CLVS1: variants seen among roughly 807,000 people sequenced by gnomAD.
CLVS1 encodes clavesin-1.
Under a neutral mutation model 33.1 loss-of-function variants are expected in CLVS1, and 10 were observed. The observed-to-expected ratio is 0.30, with a 90% CI of 0.19 to 0.51. CLVS1 has a LOEUF of 0.51. Among genes scored for constraint, CLVS1 ranks in the 20% least tolerant of loss-of-function variants. CLVS1 has a pLI of 0.97. For synonymous variants in CLVS1, 163 were observed against 166.1 expected (o/e 0.98, Z 0.14); for missense variants, 343 against 433.4 (o/e 0.79, Z 1.85).
chr8:61,444,274 A>G (rs528689607), intron 3 of CLVS1, among the ~76,000 whole-genome samples: 3 of 152,282 alleles, frequency 2.0e-5, no homozygotes, highest in Non-Finnish European at 2.9e-5. Flanking sequence ...GTTGAATAAG[A>G]GTGATGAGAT....
intron 2 of CLVS1, among the ~76,000 whole-genome samples, chr8:61,162,499 T>A (rs1806772939): frequency 1.3e-5 from 2 of 152,216 alleles, no homozygotes; most frequent in Non-Finnish European, 2.9e-5. Context: ...AAGAATTTCT[T>A]ACCAGTCAGA....
chr8:61,235,440 A>G (rs1306564444), intron 2 of CLVS1, among the ~76,000 whole-genome samples: 1 of 152,214 alleles, frequency 6.6e-6, no homozygotes, highest in African/African-American at 2.4e-5. Context: ...ACAAATAACT[A>G]CAATTAAAGC....
chr8:61,397,695 G>C (rs1456792817), intron 3 of CLVS1, among the ~76,000 whole-genome samples: 1 of 151,988 alleles, frequency 6.6e-6, no homozygotes, highest in Non-Finnish European at 1.5e-5. Context: ...GTGTAAAGTA[G>C]GGCTCCAACT....
the CLVS1 span, among the ~76,000 whole-genome samples, chr8:60,979,342 T>C: frequency 6.6e-6 from 1 of 152,248 alleles, no homozygotes; most frequent in African/African-American, 2.4e-5. Flanking sequence ...GACCTCTTTC[T>C]ACTCATTTCC....
intron 2 of CLVS1, among the ~76,000 whole-genome samples, chr8:61,153,029 A>T (rs913760682): frequency 6.6e-6 from 1 of 152,106 alleles, no homozygotes; most frequent in African/African-American, 2.4e-5. Flanking sequence ...TTAGCTGGGC[A>T]TGGTGGCACA....
intron 3 of CLVS1, among the ~76,000 whole-genome samples, chr8:61,444,842 G>T (rs1816694248): frequency 6.6e-6 from 1 of 152,222 alleles, no homozygotes; most frequent in Non-Finnish European, 1.5e-5. Flanking sequence ...AGGTGTTGTT[G>T]CTAGTTGTCT....
chr8:61,347,626 TTATA>T (rs56179025), intron 2 of CLVS1, among the ~76,000 whole-genome samples: 14 of 37,024 alleles, frequency 3.8e-4, no homozygotes, highest in South Asian at 1.3e-3. Context: ...GGCCATTCCA[TTATA>T]TATATATATA....
chr8:61,396,780 G>C (rs1167259671), intron 3 of CLVS1, among the ~76,000 whole-genome samples: 1 of 152,124 alleles, frequency 6.6e-6, no homozygotes, highest in Non-Finnish European at 1.5e-5. Context: ...CGCATAAATG[G>C]AATCATACAA....
chr8:61,500,115 A>C lies in CLVS1; in HGVS notation c.*573A>C, dbSNP rs73685068. 6.5e-6 allele frequency: 1 copy of C among 152,696 alleles called. No homozygotes were observed. The highest frequency in any genetic ancestry group is 2.4e-5 in the African/African-American group (1 of 41,556). The allele number at this position is 152,696 out of a possible 1,614,324, so 9.5% of individuals were successfully genotyped here. A position where few individuals can be genotyped will look rare whatever the true frequency, so the allele number is the denominator to read the frequency against. On this transcript the variant is annotated 3_prime_UTR_variant, in exon 6 of 6. Coordinates refer to ENST00000325897, the MANE Select transcript of CLVS1 (RefSeq NM_173519.3). ...TTCTCATAGGTCTGGGTATTTGCAA[A>C]GTTTGCTTATTTTGATGATATCCTG...
chr8:61,129,343 T>C (rs1425718551), intron 1 of CLVS1, among the ~76,000 whole-genome samples: 2 of 152,232 alleles, frequency 1.3e-5, no homozygotes, highest in Non-Finnish European at 2.9e-5. Flanking sequence ...GCACCTGCTG[T>C]GCAGCTATGA....
chr8:61,412,325 A>G (rs1815261571), intron 3 of CLVS1, among the ~76,000 whole-genome samples: 1 of 152,242 alleles, frequency 6.6e-6, no homozygotes. Context: ...GACAGGACCA[A>G]ATCAAAGAAA....
chr8:61,062,714 T>C (rs552924377), intron 1 of CLVS1, among the ~76,000 whole-genome samples: 1 of 152,362 alleles, frequency 6.6e-6, no homozygotes, highest in South Asian at 2.1e-4. Context: ...GACTGCATTA[T>C]GGTCCACGGG....
chr8:61,441,203 G>A, intron 3 of CLVS1, among the ~76,000 whole-genome samples: 1 of 152,194 alleles, frequency 6.6e-6, no homozygotes, highest in East Asian at 1.9e-4. Flanking sequence ...GAACTGAATA[G>A]ATAAAGCCTA....
intron 2 of CLVS1, among the ~76,000 whole-genome samples, chr8:61,254,542 CCTT>C: frequency 6.6e-6 from 1 of 152,276 alleles, no homozygotes; most frequent in East Asian, 1.9e-4. Flanking sequence ...GGCAGGCAGG[CCTT>C]CTTGAGCTGT....
chr8:60,968,904 A>G, the CLVS1 span, among the ~76,000 whole-genome samples: 2 of 151,938 alleles, frequency 1.3e-5, no homozygotes, highest in African/African-American at 2.4e-5. Flanking sequence ...AAATAAATAA[A>G]TAAAATAAAA....
chr8:61,021,751 G>C, the CLVS1 span, among the ~76,000 whole-genome samples: 1 of 152,016 alleles, frequency 6.6e-6, no homozygotes, highest in Non-Finnish European at 1.5e-5. Flanking sequence ...TAGATTCAGG[G>C]GGTACATGTA....
intron 2 of CLVS1, among the ~76,000 whole-genome samples, chr8:61,180,277 A>G (rs892225163): frequency 2.0e-5 from 3 of 152,216 alleles, no homozygotes; most frequent in Non-Finnish European, 1.5e-5. Context: ...ACACCCTCCC[A>G]AGACTAAACT....
chr8:61,041,922 C>G, the CLVS1 span, among the ~76,000 whole-genome samples: 1 of 152,086 alleles, frequency 6.6e-6, no homozygotes, highest in African/African-American at 2.4e-5. Flanking sequence ...ACTCTGTCAT[C>G]CATACTGGGC....
At chr8:61,437,936 G>C (rs10087306) in intron 3 of CLVS1, among the ~76,000 whole-genome samples, 9,267 of 152,222 alleles carry the variant, frequency 0.061, 747 homozygotes, top group African/African-American at 0.18. Context: ...GAAATAAGAC[G>C]TTGAACTGTA....
Sources: allele counts gnomAD v4.1 joint callset (sites outside exome capture counted in the v4.1 genomes callset), GRCh38; gene constraint gnomAD v4.1.1; transcripts MANE v1.5; gene names NCBI Gene and HGNC (gene_info 2026-07-23, HGNC 2026-07-21).